The following KLC1 variants were observed in gnomAD, a reference collection of about 807,000 sequenced individuals.
KLC1 encodes kinesin light chain 1.
Under a neutral mutation model 84.2 loss-of-function variants are expected in KLC1, and 30 were observed. The observed-to-expected ratio is 0.36, with a 90% CI of 0.27 to 0.48. KLC1 has a LOEUF of 0.48. Ranked by LOEUF, KLC1 falls within the 20% of genes least tolerant of loss-of-function variation. The probability of loss-of-function intolerance (pLI) is 0.99; values close to 1 mark genes in which losing one functional copy is unlikely to be tolerated. For synonymous variants in KLC1, 289 were observed against 293.3 expected, an observed-to-expected ratio of 0.99 and a Z score of 0.15; for missense variants, 499 against 805.4, an observed-to-expected ratio of 0.62 and a Z score of 4.60.
At chr14:103,696,091 C>CGGGGGGGGGGGGGGGGGGGGGGGGGGGGG in intron 15 of KLC1, 1 of 744,682 alleles carries the variant, frequency 1.3e-6, no homozygotes, top group Non-Finnish European at 1.5e-6. Flanking sequence ...ATAATCACTG[C>CGGGGGGGGGGGGGGGGGGGGGGGGGGGGG]GCCCCCGCCC....
At chr14:103,696,173 C>A in intron 15 of KLC1, 1 of 976,004 alleles carries the variant, frequency 1.0e-6, no homozygotes, top group African/African-American at 1.8e-5. Context: ...GCGTCTGGAT[C>A]TGTGGGCGGA....
intron 5 of KLC1, among the ~76,000 whole-genome samples, chr14:103,664,819 CTTTTT>C (rs34967823): frequency 1.4e-3 from 144 of 101,984 alleles, no homozygotes; most frequent in African/African-American, 2.4e-3. Context: ...TTGGCCAAGG[CTTTTT>C]TTTTTTTTTT....
At chr14:103,649,687 GCTT>G (rs2078249667) in intron 1 of KLC1, among the ~76,000 whole-genome samples, 1 of 151,116 alleles carries the variant, frequency 6.6e-6, no homozygotes, top group Non-Finnish European at 1.5e-5. Context: ...CCTAAAAAGG[GCTT>G]CTTATGTGTT....
Position 103,673,172 on chromosome 14 carries a change from G to C in KLC1, c.1146G>C (p.Lys382Asn). The part of the protein sequence containing the change: ...KLGPDDPNVA[K>N]TKNNLASCYL... ...GACCTGATGACCCCAACGTGGCTAA[G>C]ACGAAAAATAACCTGGTGTGTTGAC... Residue 382 changes from lysine (K) to asparagine (N), a missense_variant, in exon 8 of 17, where the codon AAG becomes AAC. By Grantham distance (94) the Lys-to-Asn change is moderately conservative (BLOSUM62 0). Coordinates refer to ENST00000334553, the MANE Select transcript of KLC1 (RefSeq NM_001394837.1). 6.2e-7 allele frequency: 1 copy of C among 1,612,720 alleles called. No individual in the cohort carries two copies. The highest frequency in any genetic ancestry group is 8.5e-7 in the Non-Finnish European group (1 of 1,179,504).
intron 14 of KLC1, 116 bp downstream of exon 14, chr14:103,687,327 C>T (rs1329829055): frequency 2.4e-5 from 25 of 1,060,548 alleles, no homozygotes; most frequent in East Asian, 1.0e-4. Flanking sequence ...AGTTGGTTCC[C>T]GTATTCTCAC....
intron 1 of KLC1, among the ~76,000 whole-genome samples, chr14:103,652,500 T>C (rs937605152): frequency 6.6e-6 from 1 of 151,866 alleles, no homozygotes; most frequent in Non-Finnish European, 1.5e-5. Flanking sequence ...CTTTGTTCTT[T>C]TTTTTTTTTG....
chr14:103,647,806 G>A (rs1286031017), intron 1 of KLC1, among the ~76,000 whole-genome samples: 3 of 150,638 alleles, frequency 2.0e-5, no homozygotes, highest in Non-Finnish European at 4.4e-5. Context: ...AACCTGGGAG[G>A]TGGAGGTTGC....
chr14:103,699,045 C>T (rs766482540), intron 15 of KLC1: 19 of 1,568,568 alleles, frequency 1.2e-5, no homozygotes, highest in Admixed American at 3.7e-5. Context: ...GGCAAGCTGG[C>T]GCTCAGGCTT....
At chr14:103,680,063 C>A (rs192086896) in intron 13 of KLC1, among the ~76,000 whole-genome samples, 11 of 152,322 alleles carry the variant, frequency 7.2e-5, no homozygotes, top group Admixed American at 7.2e-4. Context: ...TCCTGAGCGT[C>A]CTGCATTTCC....
chr14:103,672,905 T>TA, intron 7 of KLC1, 109 bp from the exon 8 acceptor site: 1 of 929,464 alleles, frequency 1.1e-6, no homozygotes, highest in Non-Finnish European at 1.7e-6. Context: ...TCTGAAAGTG[T>TA]AGCACAGTCG....
chr14:103,687,396 T>C (rs892212357), intron 14 of KLC1, among the ~76,000 whole-genome samples, 185 bp downstream of exon 14: 3 of 152,180 alleles, frequency 2.0e-5, no homozygotes, highest in African/African-American at 7.2e-5. Context: ...GAGAAGTAAT[T>C]GGGTAACTTC....
intron 15 of KLC1, chr14:103,695,933 T>A (rs934983182): frequency 4.5e-5 from 44 of 985,300 alleles, no homozygotes; most frequent in South Asian, 2.8e-4. Flanking sequence ...TGCGGTGATT[T>A]CAGCCATTTC....
chr14:103,680,125 G>A (rs372718263), intron 13 of KLC1, among the ~76,000 whole-genome samples: 59 of 152,308 alleles, frequency 3.9e-4, no homozygotes, highest in African/African-American at 1.4e-3. Flanking sequence ...TTGCCAGCCC[G>A]CCATGTGCCT....
intron 1 of KLC1, among the ~76,000 whole-genome samples, chr14:103,637,224 TG>T (rs2077113918): frequency 6.6e-6 from 1 of 152,160 alleles, no homozygotes; most frequent in South Asian, 2.1e-4. Flanking sequence ...AACCATGCTC[TG>T]GCAAGTTTTA....
rs1456156674 is a variant in KLC1, at chr14:103,694,736, G to A, written c.1848+2311G>A. The A allele has an allele frequency of 3.0e-6, 3 of 985,366 alleles. No homozygotes were observed. The highest frequency in any genetic ancestry group is 3.6e-6 in the Non-Finnish European group (3 of 829,948). 61.0% of individuals were successfully genotyped at this position (985,366 alleles called of 1,614,324 possible). On this transcript the variant is annotated intron_variant, in intron 15 of 16. Coordinates refer to ENST00000334553, the MANE Select transcript of KLC1 (RefSeq NM_001394837.1). This position sits in a 1 kb window ranked among gnomAD's most constrained non-coding sequence, Gnocchi z 4.5. ...GCTTGCCACTGTCATGTAACAGGGT[G>A]GGTGGTGGCACAGCAGAGGCTCACA...
chr14:103,655,633 G>A (rs2078776077), intron 2 of KLC1, among the ~76,000 whole-genome samples: 1 of 146,200 alleles, frequency 6.8e-6, no homozygotes, highest in South Asian at 2.2e-4. Context: ...TTTTGAGACA[G>A]TGTTTGCTCT....
At chr14:103,639,212 G>C (rs1363079740) in intron 1 of KLC1, among the ~76,000 whole-genome samples, 1 of 152,118 alleles carries the variant, frequency 6.6e-6, no homozygotes, top group Non-Finnish European at 1.5e-5. Context: ...GTCCAGGCTG[G>C]AGTACAGTGG....
In KLC1 at chr14:103,693,727, C is replaced by A; in HGVS notation, c.1848+1302C>A. 6.8e-7 allele frequency: 1 copy of A among 1,474,760 alleles called. No individual in the cohort carries two copies. The highest frequency in any genetic ancestry group is 9.0e-7 in the Non-Finnish European group (1 of 1,116,734). The allele number at this position is 1,474,760 out of a possible 1,614,324, so 91.4% of individuals were successfully genotyped here. A position where few individuals can be genotyped will look rare whatever the true frequency, so the allele number is the denominator to read the frequency against. Reference sequence around the variant, plus strand: ...CCAGCCGCACTCCTTGGCTTCCTTTCCTAGATAGTGACGTCCACCAACCTT... The same window carrying A: ...CCAGCCGCACTCCTTGGCTTCCTTTACTAGATAGTGACGTCCACCAACCTT... On this transcript the variant is annotated intron_variant, in intron 15 of 16. Transcript: ENST00000334553. This position sits in a 1 kb window ranked among gnomAD's most constrained non-coding sequence, Gnocchi z 5.1.
chr14:103,685,448 A>G (rs938441809), intron 13 of KLC1: 9 of 1,210,518 alleles, frequency 7.4e-6, no homozygotes, highest in Non-Finnish European at 9.5e-6. Flanking sequence ...GAAATGCACC[A>G]TGAGGCCCAG....
Sources: allele counts gnomAD v4.1 joint callset (sites outside exome capture counted in the v4.1 genomes callset), GRCh38; gene constraint gnomAD v4.1.1; non-coding constraint Gnocchi (gnomAD v3.1); transcripts MANE v1.5; gene names NCBI Gene and HGNC (gene_info 2026-07-23, HGNC 2026-07-21).